The following CDH13 variants were observed in gnomAD, a reference collection of about 807,000 sequenced individuals.
CDH13 encodes cadherin-13.
CDH13 carries 24 observed loss-of-function variants against 63.8 expected under a neutral mutation model. That is an observed-to-expected ratio of 0.38 (90% CI 0.27 to 0.53). The LOEUF is 0.53. Ranked by LOEUF, CDH13 falls within the 20% of genes least tolerant of loss-of-function variation. The pLI is 0.85. For synonymous variants in CDH13, 503 were observed against 355.3 expected, an observed-to-expected ratio of 1.42 and a Z score of -4.67; for missense variants, 1,049 against 903.1, an observed-to-expected ratio of 1.16 and a Z score of -2.07.
At position 83,620,777 on chromosome 16, in the gene CDH13, T is replaced by C. The variant is rs150138323; in HGVS notation, c.1101+18183T>C. Among the ~76,000 whole-genome samples, 91 of 152,314 alleles carry C rather than the reference T, an allele frequency of 6.0e-4. 2 individuals carry two copies. In the East Asian group the frequency reaches 0.016, roughly 27 times the overall value. On this transcript the variant is annotated intron_variant, in intron 8 of 13. Coordinates refer to ENST00000567109, the MANE Select transcript of CDH13 (RefSeq NM_001257.5). The stretch of plus-strand genomic sequence containing the variant: ...AGCTACATGGTAAGAGTCTGGCCTC[T>C]GCATCTGCTTTTCCCTTGCAAACTC...
intron 3 of CDH13, among the ~76,000 whole-genome samples, chr16:83,122,344 T>C (rs1387764172): frequency 6.6e-6 from 1 of 152,198 alleles, no homozygotes; most frequent in East Asian, 1.9e-4. Context: ...TATTTTTATG[T>C]TTTCCTTCTT....
At chr16:83,008,200 T>A (rs566133618) in intron 2 of CDH13, among the ~76,000 whole-genome samples, 222 of 152,296 alleles carry the variant, frequency 1.5e-3, no homozygotes, top group African/African-American at 5.1e-3. Flanking sequence ...TACTATGGGA[T>A]ACGTTTTAAT....
chr16:82,896,642 G>A (rs1308857985), intron 2 of CDH13, among the ~76,000 whole-genome samples: 1 of 151,844 alleles, frequency 6.6e-6, no homozygotes, highest in Non-Finnish European at 1.5e-5. Flanking sequence ...GATATACCTG[G>A]GAGATCAAAT....
At position 83,160,650 on chromosome 16, in the gene CDH13, T is replaced by C. The variant is rs562370584; in HGVS notation, c.483+35149T>C. Among the ~76,000 whole-genome samples the C allele has an allele frequency of 3.3e-5, 5 of 152,304 alleles. No individual in the cohort carries two copies. The South Asian group carries it at 8.3e-4, about 25-fold the overall frequency. Reference sequence around the variant, plus strand: ...ATCCTACAAACCTCTCCAGCTGCTTTCAGTGACATGACTTCTGATCTGGAG... The same window carrying C: ...ATCCTACAAACCTCTCCAGCTGCTTCCAGTGACATGACTTCTGATCTGGAG... On this transcript the variant is annotated intron_variant, in intron 4 of 13. Coordinates refer to ENST00000567109, the MANE Select transcript of CDH13 (RefSeq NM_001257.5).
At chr16:83,191,489 GCA>G (rs2038703676) in intron 4 of CDH13, among the ~76,000 whole-genome samples, 1 of 46,296 alleles carries the variant, frequency 2.2e-5, no homozygotes, top group African/African-American at 7.8e-5. Context: ...ATATATATAT[GCA>G]CATATATATA....
intron 1 of CDH13, among the ~76,000 whole-genome samples, chr16:82,846,136 G>T (rs1312534307): frequency 1.3e-5 from 2 of 152,172 alleles, no homozygotes; most frequent in African/African-American, 4.8e-5. Context: ...GAACTGGCAT[G>T]CTATGGTGTT....
At chr16:83,490,365 T>G (rs2073986640) in intron 7 of CDH13, among the ~76,000 whole-genome samples, 1 of 152,146 alleles carries the variant, frequency 6.6e-6, no homozygotes, top group Non-Finnish European at 1.5e-5. Flanking sequence ...ATTCACTTTG[T>G]AACAAGGCTT....
chr16:83,061,254 A>G (rs7199681), intron 3 of CDH13, among the ~76,000 whole-genome samples: 58,345 of 151,966 alleles, frequency 0.38, 11,447 homozygotes, highest in East Asian at 0.48. Context: ...TTAAATCAGC[A>G]TCTCCTGGAG....
chr16:83,556,457 C>T (rs144029203), intron 7 of CDH13, among the ~76,000 whole-genome samples: 1 of 152,286 alleles, frequency 6.6e-6, no homozygotes, highest in East Asian at 1.9e-4. Context: ...CACACATTCT[C>T]ACATGCGGTG....
chr16:83,292,559 A>T (rs578154238), intron 5 of CDH13, among the ~76,000 whole-genome samples: 1 of 152,264 alleles, frequency 6.6e-6, no homozygotes, highest in Non-Finnish European at 1.5e-5. Flanking sequence ...TCTGTTTTGA[A>T]CAGGTCTTTT....
chr16:83,632,272 GTCCTAC>G (rs1396425835), intron 8 of CDH13, among the ~76,000 whole-genome samples: 6 of 3,078 alleles, frequency 1.9e-3, no homozygotes, highest in South Asian at 0.017. Context: ...GTAGAGACGT[GTCCTAC>G]AGTGAAATTA....
chr16:82,718,911 A>T (rs1299384006), intron 1 of CDH13, among the ~76,000 whole-genome samples: 1 of 152,196 alleles, frequency 6.6e-6, no homozygotes, highest in Non-Finnish European at 1.5e-5. Flanking sequence ...AAAGGAGTTG[A>T]GATGGAACAG....
chr16:83,209,918 T>C (rs1053205244), intron 4 of CDH13, among the ~76,000 whole-genome samples: 1 of 152,056 alleles, frequency 6.6e-6, no homozygotes, highest in African/African-American at 2.4e-5. Flanking sequence ...GGGATGGCCA[T>C]CCAGCTAAAG....
At chr16:83,469,474 C>G (rs1167226832) in intron 6 of CDH13, among the ~76,000 whole-genome samples, 1 of 152,178 alleles carries the variant, frequency 6.6e-6, no homozygotes, top group African/African-American at 2.4e-5. Context: ...TGGCCCCACC[C>G]TATATCTCAG....
chr16:82,930,039 C>CTTTTTTTTTT (rs71146098), intron 2 of CDH13, among the ~76,000 whole-genome samples: 4 of 94,750 alleles, frequency 4.2e-5, no homozygotes, highest in African/African-American at 7.6e-5. Context: ...TAGTTTGTCT[C>CTTTTTTTTTT]TTTTTTTTTT....
chr16:82,976,940 G>T (rs185342359), intron 2 of CDH13, among the ~76,000 whole-genome samples: 5 of 152,276 alleles, frequency 3.3e-5, no homozygotes, highest in Middle Eastern at 3.4e-3. Context: ...TGAGGAGAGG[G>T]CCTGGAACTC....
At chr16:82,631,614 AC>A (rs1334594713) in intron 1 of CDH13, among the ~76,000 whole-genome samples, 1 of 152,122 alleles carries the variant, frequency 6.6e-6, no homozygotes, top group Non-Finnish European at 1.5e-5. Flanking sequence ...TTCTGCAGCC[AC>A]CTGGGATCCC....
At chr16:82,791,237 CAAAAAAAAA>C (rs3046482) in intron 1 of CDH13, among the ~76,000 whole-genome samples, 5 of 103,416 alleles carry the variant, frequency 4.8e-5, no homozygotes, top group African/African-American at 1.2e-4. Flanking sequence ...ACTCCGTCTC[CAAAAAAAAA>C]AAAAAAAAAA....
rs571216944 is a variant in CDH13 at position 83,202,218 on chromosome 16, G to T, written c.484-15127G>T. 3.9e-5 allele frequency among the ~76,000 whole-genome samples: 6 copies of T among 152,266 alleles called. No individual in the cohort carries two copies. The East Asian group carries it at 1.2e-3, about 29-fold the overall frequency. ...GGCTCAGCTTTGGATAGGACGCTCT[G>T]GGTCACAAAGGGCAGCCCGGGACTG... On this transcript the variant is annotated intron_variant, in intron 4 of 13. Transcript: ENST00000567109.
Sources: allele counts gnomAD v4.1 joint callset (sites outside exome capture counted in the v4.1 genomes callset), GRCh38; gene constraint gnomAD v4.1.1; transcripts MANE v1.5; gene names NCBI Gene and HGNC (gene_info 2026-07-23, HGNC 2026-07-21).